RNF38: variants seen among roughly 807,000 people sequenced by gnomAD.
RNF38 encodes the protein E3 ubiquitin-protein ligase RNF38.
RNF38 carries 15 observed loss-of-function variants against 67.2 expected under a neutral mutation model. That is an observed-to-expected ratio of 0.22 (90% CI 0.15 to 0.34). RNF38 has a LOEUF of 0.34. RNF38 is among the 10% of genes least tolerant of loss of function. The pLI is 1.00. For missense variants in RNF38, 524 were observed against 639.9 expected, an observed-to-expected ratio of 0.82 and a Z score of 1.95; for synonymous variants, 220 against 218.8, an observed-to-expected ratio of 1.01 and a Z score of -0.05.
In RNF38 at chr9:36,400,088, A is replaced by C; in HGVS notation, c.12+9T>G. On this transcript the variant is annotated intron_variant, in intron 1 of 11. Transcript: ENST00000259605. ...TATCATTTTTGCAACACAAAGAAAAATACTTTACCTTACAAGCCATACAGA... is the reference window on the plus strand; with the variant it reads ...TATCATTTTTGCAACACAAAGAAAACTACTTTACCTTACAAGCCATACAGA... 6.2e-7 allele frequency: 1 copy of C among 1,612,314 alleles called. No individual in the cohort carries two copies. The highest frequency in any genetic ancestry group is 8.5e-7 in the Non-Finnish European group (1 of 1,178,972).
chr9:36,478,089 A>C (rs1840162299), intron 1 of RNF38, among the ~76,000 whole-genome samples: 1 of 152,128 alleles, frequency 6.6e-6, no homozygotes, highest in South Asian at 2.1e-4. Flanking sequence ...TTTTCACTAA[A>C]AGATTGCCAA....
chr9:36,437,558 A>AT (rs112888880), intron 1 of RNF38, among the ~76,000 whole-genome samples: 243 of 150,284 alleles, frequency 1.6e-3, no homozygotes, highest in African/African-American at 2.9e-3. Context: ...CAAGGTTGAA[A>AT]AAAAAAAAAA....
intron 2 of RNF38, among the ~76,000 whole-genome samples, chr9:36,423,488 G>A (rs950578141): frequency 2.0e-5 from 3 of 152,164 alleles, no homozygotes; most frequent in Non-Finnish European, 4.4e-5. Context: ...CCAAGGGAGT[G>A]ATAGATTCCT....
intron 2 of RNF38, among the ~76,000 whole-genome samples, chr9:36,381,806 T>C (rs1836231081): frequency 1.3e-5 from 2 of 152,210 alleles, no homozygotes; most frequent in Non-Finnish European, 2.9e-5. Context: ...AAAACTGTAA[T>C]TCGACTGTAG....
intron 2 of RNF38, among the ~76,000 whole-genome samples, chr9:36,416,204 G>A (rs13294834): frequency 7.4e-6 from 1 of 135,976 alleles, no homozygotes; most frequent in African/African-American, 2.7e-5. Context: ...GGGAGGGGGT[G>A]GGAGATGGGA....
chr9:36,396,114 C>T (rs1837491171), intron 1 of RNF38, among the ~76,000 whole-genome samples: 2 of 152,226 alleles, frequency 1.3e-5, no homozygotes, highest in African/African-American at 4.8e-5. Context: ...CACAATGTCA[C>T]TAACACCTAG....
chr9:36,435,438 A>G (rs553694584), intron 1 of RNF38, among the ~76,000 whole-genome samples: 1 of 152,166 alleles, frequency 6.6e-6, no homozygotes, highest in East Asian at 1.9e-4. Flanking sequence ...TCCAAAACAA[A>G]AAGTAAAAAT....
chr9:36,375,364 G>GT lies in RNF38; in HGVS notation c.356+569dup, dbSNP rs1005962179. 3.9e-5 allele frequency among the ~76,000 whole-genome samples: 6 copies of GT among 152,066 alleles called. No homozygotes were observed. The South Asian group carries it at 8.3e-4, about 21-fold the overall frequency. On this transcript the variant is annotated intron_variant, in intron 3 of 11. Coordinates refer to ENST00000259605, the MANE Select transcript of RNF38 (RefSeq NM_022781.5). ...CGCCAACATCCTCAGCTAATTTTTT[G>GT]TTTTTTTGAGAGAGACAGGGTCTTG...
At chr9:36,462,932 C>G (rs537105695) in intron 1 of RNF38, among the ~76,000 whole-genome samples, 5 of 152,050 alleles carry the variant, frequency 3.3e-5, no homozygotes, top group Non-Finnish European at 7.4e-5. Flanking sequence ...GCCTCAGTCT[C>G]CCCTGCTGGG....
chr9:36,368,454 T>A (rs545648192), intron 4 of RNF38, among the ~76,000 whole-genome samples: 1 of 152,216 alleles, frequency 6.6e-6, no homozygotes, highest in Admixed American at 6.5e-5. Context: ...TGTGTTCACA[T>A]AGTCCTATAT....
At position 36,347,569 on chromosome 9, in the gene RNF38, CTG is replaced by C. The variant is rs747786903; in HGVS notation, c.1264-2618_1264-2617del. On this transcript the variant is annotated intron_variant, in intron 9 of 11. Transcript: ENST00000259605. ...TGCACTTGTTTTGTGGTACCACAAACTGTACTTGTATAAGACAGAAAACTTAA... is the reference window on the plus strand; with the variant it reads ...TGCACTTGTTTTGTGGTACCACAAACTACTTGTATAAGACAGAAAACTTAA... Among the ~76,000 whole-genome samples the C allele has an allele frequency of 2.4e-4, 37 of 152,190 alleles. 1 individual carries two copies. The highest frequency in any genetic ancestry group is 4.7e-4 in the Non-Finnish European group (32 of 68,028).
chr9:36,387,507 A>T (rs1441669899), intron 2 of RNF38, among the ~76,000 whole-genome samples: 1 of 152,228 alleles, frequency 6.6e-6, no homozygotes, highest in Non-Finnish European at 1.5e-5. Context: ...TTAAAACTTT[A>T]AGACAGGGGT....
In RNF38 at chr9:36,339,590, T is replaced by C. The variant is rs1195850961; in HGVS notation, c.*162A>G. 3 of 589,466 alleles carry C rather than the reference T, an allele frequency of 5.1e-6. No individual in the cohort carries two copies. Among genetic ancestry groups the C allele is most frequent in the Non-Finnish European group, 9.2e-6 (3 of 326,656 alleles). 36.5% of individuals were successfully genotyped at this position (589,466 alleles called of 1,614,324 possible). A position where few individuals can be genotyped will look rare whatever the true frequency, so the allele number is the denominator to read the frequency against. ...ACAATCCCATAACTGTGAAGACTAA[T>C]TGTAAGCTTTTATAGTTGATTAAGT... On this transcript the variant is annotated 3_prime_UTR_variant, in exon 12 of 12. Transcript: ENST00000259605.
At position 36,376,078 on chromosome 9, in the gene RNF38, AAGACTGAATGAG is replaced by A; in HGVS notation, c.200_211del (p.Ser67_Val70del). 6.2e-7 allele frequency: 1 copy of A among 1,611,690 alleles called. No homozygotes were observed. The highest frequency in any genetic ancestry group is 8.5e-7 in the Non-Finnish European group (1 of 1,179,298). Reference sequence around the variant, plus strand: ...AGCTGGTGATGCTGATGTATAATCAAAGACTGAATGAGAGAGGCGCTGTCTCTTAGGACTTGG... The same window carrying A: ...AGCTGGTGATGCTGATGTATAATCAAAGAGGCGCTGTCTCTTAGGACTTGG... On this transcript the variant is annotated inframe_deletion, in exon 3 of 12. Coordinates refer to ENST00000259605, the MANE Select transcript of RNF38 (RefSeq NM_022781.5).
At chr9:36,381,495 A>C (rs1282082133) in intron 2 of RNF38, among the ~76,000 whole-genome samples, 1 of 152,214 alleles carries the variant, frequency 6.6e-6, no homozygotes, top group Non-Finnish European at 1.5e-5. Flanking sequence ...TTGTGACAAT[A>C]AGATACCAAA....
chr9:36,396,209 C>A (rs1479081355), intron 1 of RNF38, among the ~76,000 whole-genome samples: 2 of 152,182 alleles, frequency 1.3e-5, no homozygotes, highest in Non-Finnish European at 2.9e-5. Flanking sequence ...TAACAGCCTG[C>A]CTTTCTGATT....
At chr9:36,456,304 A>G (rs1338564522) in intron 1 of RNF38, among the ~76,000 whole-genome samples, 2 of 152,172 alleles carry the variant, frequency 1.3e-5, no homozygotes, top group Non-Finnish European at 2.9e-5. Context: ...TGATCTGCCC[A>G]CCTCGGCCTC....
At chr9:36,469,745 G>GC (rs1297831499) in intron 1 of RNF38, among the ~76,000 whole-genome samples, 2 of 152,112 alleles carry the variant, frequency 1.3e-5, no homozygotes, top group African/African-American at 4.8e-5. Flanking sequence ...GGAGGCCAAG[G>GC]CAGGTGGATC....
rs58535603 is a variant in RNF38, at chr9:36,342,683, G to C, written c.1386-259C>G. On this transcript the variant is annotated intron_variant, in intron 10 of 11. Coordinates refer to ENST00000259605, the MANE Select transcript of RNF38 (RefSeq NM_022781.5). Reference sequence around the variant, plus strand: ...GATTCTATACTATTTAAAAAAAAATGGTATTAGAACTGGATGTCCACATAC... The same window carrying C: ...GATTCTATACTATTTAAAAAAAAATCGTATTAGAACTGGATGTCCACATAC... Among the ~76,000 whole-genome samples the C allele has an allele frequency of 2.4e-3, 367 of 152,080 alleles. 1 individual carries two copies. The highest frequency in any genetic ancestry group is 8.6e-3 in the African/African-American group (356 of 41,484).
Sources: gnomAD v4.1 joint callset for allele counts (sites outside exome capture counted in the v4.1 genomes callset) on GRCh38, gnomAD v4.1.1 for gene constraint, MANE v1.5 for transcripts, NCBI Gene and HGNC (gene_info 2026-07-23, HGNC 2026-07-21) for gene names.